Variants in DLG2 observed in about 807,000 individuals in gnomAD.
The protein encoded by DLG2 is discs large MAGUK scaffold protein 2, also known as disks large homolog 2.
DLG2 carries 45 observed loss-of-function variants against 132.5 expected under a neutral mutation model. The observed-to-expected ratio is 0.34, with a 90% CI of 0.27 to 0.44. DLG2 has a LOEUF of 0.44. Ranked by LOEUF, DLG2 falls within the 20% of genes least tolerant of loss-of-function variation. The pLI is 1.00. For missense variants in DLG2, 1,045 were observed against 1,196.9 expected (o/e 0.87, Z 1.87); for synonymous variants, 424 against 419.6 (o/e 1.01, Z -0.13).
At chr11:83,524,595 A>G (rs917956509) in intron 21 of DLG2, among the ~76,000 whole-genome samples, 12 of 152,276 alleles carry the variant, frequency 7.9e-5, no homozygotes, top group African/African-American at 2.6e-4. Flanking sequence ...ATGATCTGCT[A>G]AATTCTAATC....
chr11:85,243,352 A>G (rs1367868228), intron 4 of DLG2, among the ~76,000 whole-genome samples: 1 of 152,000 alleles, frequency 6.6e-6, no homozygotes, highest in Non-Finnish European at 1.5e-5. Flanking sequence ...CAGAGATTCT[A>G]TTTCATTCAA....
At chr11:85,577,345 G>A (rs2078218107) in intron 3 of DLG2, among the ~76,000 whole-genome samples, 1 of 152,016 alleles carries the variant, frequency 6.6e-6, no homozygotes, top group Non-Finnish European at 1.5e-5. Flanking sequence ...GACTTAACTG[G>A]AAATTCTGCC....
intron 3 of DLG2, among the ~76,000 whole-genome samples, chr11:85,339,008 T>C (rs2082312220): frequency 6.6e-6 from 1 of 152,244 alleles, no homozygotes; most frequent in Admixed American, 6.5e-5. Flanking sequence ...AATTAATTTA[T>C]CTGGTTTCTG....
intron 18 of DLG2, among the ~76,000 whole-genome samples, chr11:83,724,490 A>T (rs537165105): frequency 0.3 from 44,096 of 144,750 alleles, 8,701 homozygotes; most frequent in African/African-American, 0.56. Flanking sequence ...AGAGAGAGAG[A>T]GAGAGAGAGA....
At chr11:85,235,512 G>GA (rs573085541) in intron 4 of DLG2, among the ~76,000 whole-genome samples, 146 of 151,992 alleles carry the variant, frequency 9.6e-4, no homozygotes, top group African/African-American at 3.4e-3. Context: ...ATGTTGTTAG[G>GA]AAAATCTTCC....
intron 6 of DLG2, among the ~76,000 whole-genome samples, chr11:84,814,453 C>T (rs563075526): frequency 6.6e-6 from 1 of 152,186 alleles, no homozygotes; most frequent in East Asian, 1.9e-4. Context: ...CTCTCCAATA[C>T]GCAAGCCCAT....
rs182939969 is a variant in DLG2, at chr11:83,803,785, C to T, written c.1723-16993G>A. The stretch of plus-strand genomic sequence containing the variant: ...ATCAATTTTAAAGGAAGGAATAATG[C>T]TGCCTCCAGAGACATATCTGTCAAA... On this transcript the variant is annotated intron_variant, in intron 17 of 27. Coordinates refer to ENST00000376104, the MANE Select transcript of DLG2 (RefSeq NM_001142699.3). Among the ~76,000 whole-genome samples the T allele has an allele frequency of 5.3e-5, 8 of 152,228 alleles. No individual in the cohort carries two copies. In the East Asian group the frequency reaches 1.4e-3, roughly 26 times the overall value.
At chr11:83,833,309 G>A (rs1251807036) in intron 17 of DLG2, among the ~76,000 whole-genome samples, 1 of 152,032 alleles carries the variant, frequency 6.6e-6, no homozygotes, top group Non-Finnish European at 1.5e-5. Flanking sequence ...GTGGCGGTGG[G>A]CAGCTATAAT....
chr11:85,104,173 T>C (rs1463223689), intron 6 of DLG2, among the ~76,000 whole-genome samples: 5 of 151,888 alleles, frequency 3.3e-5, no homozygotes, highest in East Asian at 1.9e-4. Flanking sequence ...AAGTTAAACA[T>C]AGAGTTAGCA....
intron 3 of DLG2, among the ~76,000 whole-genome samples, chr11:85,300,569 G>C (rs2079525828): frequency 6.6e-6 from 1 of 152,188 alleles, no homozygotes; most frequent in African/African-American, 2.4e-5. Context: ...TGAATAGATA[G>C]ATGGGAAAGA....
At chr11:84,177,855 T>A (rs1198459510) in intron 8 of DLG2, among the ~76,000 whole-genome samples, 1 of 152,154 alleles carries the variant, frequency 6.6e-6, no homozygotes, top group East Asian at 1.9e-4. Flanking sequence ...ATTATACTGT[T>A]CATTATTATT....
chr11:84,420,761 C>T lies in DLG2; in HGVS notation c.519+113809G>A, dbSNP rs538458446. On this transcript the variant is annotated intron_variant, in intron 7 of 27. Transcript: ENST00000376104. ...TCGGCTCACTGCAAGCTCCGCCTCCCGGGTTCACGCCATTCTCCTGCCTCA... is the reference window on the plus strand; with the variant it reads ...TCGGCTCACTGCAAGCTCCGCCTCCTGGGTTCACGCCATTCTCCTGCCTCA... Among the ~76,000 whole-genome samples the T allele has an allele frequency of 4.1e-5, 6 of 145,040 alleles. No individual in the cohort carries two copies. The South Asian group carries it at 1.3e-3, about 32-fold the overall frequency.
chr11:83,752,221 T>C (rs2093353421), intron 18 of DLG2, among the ~76,000 whole-genome samples: 1 of 150,612 alleles, frequency 6.6e-6, no homozygotes, highest in African/African-American at 2.5e-5. Context: ...TGAGCTGAGA[T>C]GGTGCCACTG....
At chr11:84,936,042 T>C (rs1344430450) in intron 6 of DLG2, among the ~76,000 whole-genome samples, 2 of 152,238 alleles carry the variant, frequency 1.3e-5, no homozygotes, top group African/African-American at 4.8e-5. Flanking sequence ...GGTTAGGAAA[T>C]ACATTTAATG....
At position 83,743,412 on chromosome 11, in the gene DLG2, A is replaced by G. The variant is rs537817335; in HGVS notation, c.1825+43278T>C. On this transcript the variant is annotated intron_variant, in intron 18 of 27. Transcript: ENST00000376104. ...TCTCTCTCTTTCACTTACAATGTAC[A>G]TAACAGTGGGCAGGCCATTTTTTTT... Among the ~76,000 whole-genome samples, 413 of 122,716 alleles carry G rather than the reference A, an allele frequency of 3.4e-3. 1 individual carries two copies. The highest frequency in any genetic ancestry group is 9.6e-3 in the African/African-American group (251 of 26,146). The allele number at this position is 122,716 out of a possible 152,430, so 80.5% of individuals were successfully genotyped here. A position where few individuals can be genotyped will look rare whatever the true frequency, so the allele number is the denominator to read the frequency against.
At chr11:84,969,410 C>T (rs78693682) in intron 6 of DLG2, among the ~76,000 whole-genome samples, 1 of 152,284 alleles carries the variant, frequency 6.6e-6, no homozygotes, top group African/African-American at 2.4e-5. Context: ...CAGTGGCTCT[C>T]ATTCTCTTCT....
intron 7 of DLG2, chr11:84,316,825 C>T (rs1444191228): frequency 6.2e-7 from 1 of 1,606,504 alleles, no homozygotes; most frequent in Non-Finnish European, 8.5e-7. Flanking sequence ...AAAGGCTCAC[C>T]TGTGCTGGGC....
chr11:85,423,173 G>A (rs1042952516), intron 3 of DLG2, among the ~76,000 whole-genome samples: 1 of 152,108 alleles, frequency 6.6e-6, no homozygotes, highest in Non-Finnish European at 1.5e-5. Flanking sequence ...TATGGATGTG[G>A]CTTCCTGAGA....
At chr11:84,572,980 C>T (rs1322465360) in intron 6 of DLG2, among the ~76,000 whole-genome samples, 1 of 152,100 alleles carries the variant, frequency 6.6e-6, no homozygotes, top group Non-Finnish European at 1.5e-5. Flanking sequence ...ACCCAGGAGT[C>T]TTGTGTCTCC....
Sources: gnomAD v4.1 joint callset for allele counts (sites outside exome capture counted in the v4.1 genomes callset) on GRCh38, gnomAD v4.1.1 for gene constraint, MANE v1.5 for transcripts, NCBI Gene and HGNC (gene_info 2026-07-23, HGNC 2026-07-21) for gene names.